Variants in EXOSC10 observed in about 807,000 individuals in gnomAD.
EXOSC10 encodes exosome component 10, also known as exosome complex component 10.
EXOSC10 carries 94 observed loss-of-function variants against 126.6 expected under a neutral mutation model. That is an observed-to-expected ratio of 0.74 (90% CI 0.63 to 0.88). The LOEUF (loss-of-function observed/expected upper bound fraction) is 0.88. EXOSC10 is among the 40% of genes least tolerant of loss of function. The pLI is 0.00. For synonymous variants in EXOSC10, 395 were observed against 400.8 expected (o/e 0.99, Z 0.17); for missense variants, 1,041 against 1,100.5 (o/e 0.95, Z 0.77).
Position 11,071,061 on chromosome 1 carries a change from C to T in EXOSC10, c.2243-88G>A, listed in dbSNP as rs2100948969. 4.1e-6 allele frequency: 5 copies of T among 1,225,744 alleles called. No individual in the cohort carries two copies. In the South Asian group the frequency reaches 6.4e-5, roughly 16 times the overall value. The allele number at this position is 1,225,744 out of a possible 1,614,324, so 75.9% of individuals were successfully genotyped here. A position where few individuals can be genotyped will look rare whatever the true frequency, so the allele number is the denominator to read the frequency against. On this transcript the variant is annotated intron_variant, in intron 20 of 24. Transcript: ENST00000376936. ...CCATCCCCCTCCGACTTGGCCTAGCCACAGGGGTTGTCACGGCTGATTCCT... is the reference window on the plus strand; with the variant it reads ...CCATCCCCCTCCGACTTGGCCTAGCTACAGGGGTTGTCACGGCTGATTCCT...
intron 9 of EXOSC10, among the ~76,000 whole-genome samples, chr1:11,085,195 T>G (rs569951081): frequency 6.6e-6 from 1 of 152,220 alleles, no homozygotes; most frequent in Non-Finnish European, 1.5e-5. Flanking sequence ...GGGGATGGCA[T>G]TGAATCTACA....
At chr1:11,096,236 C>T (rs145827607) in intron 2 of EXOSC10, among the ~76,000 whole-genome samples, 1,821 of 149,802 alleles carry the variant, frequency 0.012, 48 homozygotes, top group African/African-American at 0.042. Context: ...TGCCTGCCTC[C>T]GACTCCCGGA....
Position 11,079,713 on chromosome 1 carries a change from T to G in EXOSC10, c.1747A>C (p.Lys583Gln). 1 of 1,612,732 alleles carries G rather than the reference T, an allele frequency of 6.2e-7. No homozygotes were observed. The highest frequency in any genetic ancestry group is 8.5e-7 in the Non-Finnish European group (1 of 1,179,288). Residue 583 changes from lysine to glutamine, a missense_variant and splice_region_variant, in exon 14 of 25, where the codon AAG (lysine) becomes CAG (glutamine). This residue lies in a region of EXOSC10 where 388 missense variants were observed against 415.2 expected (regional missense o/e 0.93). Coordinates refer to ENST00000376936, the MANE Select transcript of EXOSC10 (RefSeq NM_001001998.3). Reference sequence around the variant, plus strand: ...CCAGCCGCAGAAAAGCTTCTTACCTTGAGCAGGGGCATCTCTCGGGCCTGC... The same window carrying G: ...CCAGCCGCAGAAAAGCTTCTTACCTGGAGCAGGGGCATCTCTCGGGCCTGC... Reference protein sequence around the residue: ...IQQAREMPLLKSEVAAGVKKS... With the variant: ...IQQAREMPLLQSEVAAGVKKS...
Position 11,069,632 on chromosome 1 carries a change from T to C in EXOSC10, c.2415A>G (p.Pro805=). 6.2e-7 allele frequency: 1 copy of C among 1,614,236 alleles called. No individual in the cohort carries two copies. The highest frequency in any genetic ancestry group is 2.2e-5 in the East Asian group (1 of 44,888). ...EKKRLKISKK[P]KDPEPPEKEF... ...CTTTTTCTGGTGGCTCTGGGTCCTTTGGCTTCTTGGAAATTTTGAGTCGTT... is the reference window on the plus strand; with the variant it reads ...CTTTTTCTGGTGGCTCTGGGTCCTTCGGCTTCTTGGAAATTTTGAGTCGTT... Residue 805 remains proline, a synonymous_variant, in exon 22 of 25, where the codon CCA becomes CCG. Transcript: ENST00000376936.
At chr1:11,086,054 T>C (rs1374483224) in intron 9 of EXOSC10, among the ~76,000 whole-genome samples, 1 of 151,208 alleles carries the variant, frequency 6.6e-6, no homozygotes, top group African/African-American at 2.4e-5. Context: ...TGCATCAATG[T>C]TCATCAAGGA....
chr1:11,073,385 G>A (rs535709503), intron 19 of EXOSC10, among the ~76,000 whole-genome samples: 50 of 152,154 alleles, frequency 3.3e-4, no homozygotes, highest in African/African-American at 1.1e-3. Context: ...GCCCGCCTCG[G>A]CCTCTCAAAG....
At chr1:11,080,202 G>C (rs961353286) in intron 13 of EXOSC10, among the ~76,000 whole-genome samples, 6 of 152,212 alleles carry the variant, frequency 3.9e-5, no homozygotes, top group African/African-American at 1.4e-4. Flanking sequence ...AGAAAGTACA[G>C]ATGACAGAAT....
In EXOSC10 at chr1:11,087,915, A is replaced by C. The variant is rs1640588490; in HGVS notation, c.835-5T>G. 6.5e-7 allele frequency: 1 copy of C among 1,533,232 alleles called. No individual in the cohort carries two copies. The highest frequency in any genetic ancestry group is 1.4e-5 in the African/African-American group (1 of 73,196). The allele number at this position is 1,533,232 out of a possible 1,614,324, so 95.0% of individuals were successfully genotyped here. A position where few individuals can be genotyped will look rare whatever the true frequency, so the allele number is the denominator to read the frequency against. On this transcript the variant is annotated splice_region_variant and splice_polypyrimidine_tract_variant and intron_variant, in intron 7 of 24. Transcript: ENST00000376936. Reference sequence around the variant, plus strand: ...CTCTTCTATAGGTCTGTATAACTGGATCAAGAGAATAGTAAGAAAAAGGGA... The same window carrying C: ...CTCTTCTATAGGTCTGTATAACTGGCTCAAGAGAATAGTAAGAAAAAGGGA...
chr1:11,078,930 A>T (rs898212430), intron 14 of EXOSC10, among the ~76,000 whole-genome samples: 5 of 152,212 alleles, frequency 3.3e-5, no homozygotes, highest in African/African-American at 1.2e-4. Flanking sequence ...TCATCAAGAC[A>T]CACACACTGG....
chr1:11,071,173 C>T, intron 20 of EXOSC10, 200 bp from the exon 21 acceptor site: 1 of 575,292 alleles, frequency 1.7e-6, no homozygotes, highest in Non-Finnish European at 3.1e-6. Context: ...CCTTCAGCTA[C>T]ACGTGAGCTG....
At chr1:11,079,539 G>A (rs1270102732) in intron 14 of EXOSC10, among the ~76,000 whole-genome samples, 172 bp downstream of exon 14, 1 of 150,888 alleles carries the variant, frequency 6.6e-6, no homozygotes. Context: ...GATTACAGGC[G>A]TGCACCACAC....
chr1:11,083,946 AG>A (rs1465382332), intron 9 of EXOSC10, among the ~76,000 whole-genome samples: 2 of 152,214 alleles, frequency 1.3e-5, no homozygotes, highest in African/African-American at 4.8e-5. Flanking sequence ...GTCCCTACAA[AG>A]GACATGAACT....
rs70977543 is a variant in EXOSC10, at chr1:11,080,563, AACACACAC to A, written c.1587-22_1587-15del. ...GGCAGTACATATCTGGAAAAAAAAA[AACACACAC>A]ACACACACACACACACACACACACA... On this transcript the variant is annotated splice_polypyrimidine_tract_variant and intron_variant, in intron 12 of 24. Transcript: ENST00000376936. The A allele has an allele frequency of 2.1e-4, 304 of 1,423,180 alleles. 1 individual carries two copies. Among genetic ancestry groups the A allele is most frequent in the Admixed American group, 2.1e-3 (107 of 50,532 alleles). 88.2% of individuals were successfully genotyped at this position (1,423,180 alleles called of 1,614,324 possible). A position where few individuals can be genotyped will look rare whatever the true frequency, so the allele number is the denominator to read the frequency against.
intron 3 of EXOSC10, 124 bp from the exon 4 acceptor site, chr1:11,091,721 C>T (rs1021672186): frequency 1.7e-5 from 12 of 702,668 alleles, no homozygotes; most frequent in African/African-American, 8.9e-5. Context: ...TGCAGTGGCG[C>T]AATCTTGCCT....
At chr1:11,082,927 T>G in intron 9 of EXOSC10, 49 bp from the exon 10 acceptor site, 3 of 1,443,756 alleles carry the variant, frequency 2.1e-6, no homozygotes, top group Middle Eastern at 3.5e-4. Flanking sequence ...AGGCCACTCA[T>G]GCTCAGAAAT....
intron 22 of EXOSC10, among the ~76,000 whole-genome samples, chr1:11,069,227 C>CTGTGTGTGTGTGTCTGTG (rs1639299200): frequency 4.4e-5 from 6 of 135,430 alleles, no homozygotes; most frequent in Middle Eastern, 3.9e-3. Flanking sequence ...AAACAAAATT[C>CTGTGTGTGTGTGTCTGTG]TGTGTGTGTG....
chr1:11,094,022 G>A (rs1367341934), intron 3 of EXOSC10, among the ~76,000 whole-genome samples: 1 of 152,198 alleles, frequency 6.6e-6, no homozygotes, highest in Admixed American at 6.5e-5. Flanking sequence ...CAAGGTTGCA[G>A]TGAGTTATGG....
At position 11,072,139 on chromosome 1, in the gene EXOSC10, T is replaced by G; in HGVS notation, c.2190A>C (p.Gln730His). 6.2e-7 allele frequency: 1 copy of G among 1,613,930 alleles called. No individual in the cohort carries two copies. Among genetic ancestry groups the G allele is most frequent in the East Asian group, 2.2e-5 (1 of 44,874 alleles). Residue 730 changes from glutamine (Q) to histidine (H), a missense_variant, in exon 20 of 25, where the codon CAA (glutamine) becomes CAC (histidine). Physicochemically the swap from Gln to His is conservative, Grantham distance 24 (BLOSUM62 0). Transcript: ENST00000376936. ...CAGCTTCTTTAGAGTCTTTTTGTAC[T>G]TGTACCTGGGCCAGCTTCCAGCGGT... ...ISNRWKLAQV[Q>H]VQKDSKEAVK...
At position 11,098,127 on chromosome 1, in the gene EXOSC10, G is replaced by A. The variant is rs1641219138; in HGVS notation, c.141C>T (p.Thr47=). 2 of 1,611,364 alleles carry A rather than the reference G, an allele frequency of 1.2e-6. No homozygotes were observed. Among genetic ancestry groups the A allele is most frequent in the Non-Finnish European group, 1.7e-6 (2 of 1,179,198 alleles). ...ACTGTGGTAGGCCCCCAGATGCCTT[G>A]GTGACTGCCACCACGGACCCAAGAG... ...KFALGSVVAV[T]KASGGLPQFG... Residue 47 remains threonine (T), a synonymous_variant, in exon 2 of 25, where the codon ACC becomes ACT. Transcript: ENST00000376936.
Sources: gnomAD v4.1 joint callset for allele counts (sites outside exome capture counted in the v4.1 genomes callset) on GRCh38, gnomAD v4.1.1 for gene constraint, gnomAD v4.1.1 regional missense constraint, MANE v1.5 for transcripts, NCBI Gene and HGNC (gene_info 2026-07-23, HGNC 2026-07-21) for gene names.